The following NCKAP5 variants were observed in gnomAD, a reference collection of about 807,000 sequenced individuals.
NCKAP5 encodes the protein NCK associated protein 5.
NCKAP5 carries 92 observed loss-of-function variants against 167.0 expected under a neutral mutation model. The observed-to-expected ratio is 0.55, with a 90% CI of 0.47 to 0.66. The LOEUF (loss-of-function observed/expected upper bound fraction) is 0.66, where lower values mean the gene tolerates loss of function less well. Ranked by LOEUF, NCKAP5 falls within the 30% of genes least tolerant of loss-of-function variation. NCKAP5 has a pLI of 0.00. For missense variants in NCKAP5, 2,378 were observed against 2,315.0 expected (o/e 1.03, Z -0.56); for synonymous variants, 891 against 877.4 (o/e 1.02, Z -0.27).
At chr2:133,494,043 T>A (rs1213074155) in intron 3 of NCKAP5, among the ~76,000 whole-genome samples, 1 of 152,224 alleles carries the variant, frequency 6.6e-6, no homozygotes, top group Non-Finnish European at 1.5e-5. Flanking sequence ...GGTAGCCCTT[T>A]AACTTGATCT....
At chr2:133,316,325 C>CA (rs1213771270) in intron 3 of NCKAP5, among the ~76,000 whole-genome samples, 1 of 152,128 alleles carries the variant, frequency 6.6e-6, no homozygotes, top group Non-Finnish European at 1.5e-5. Context: ...AACATGAAGA[C>CA]TTTTTAGAAA....
rs117545964 is a variant in NCKAP5 at position 133,022,161 on chromosome 2, A to T, written c.342-27922T>A. Among the ~76,000 whole-genome samples, 89 of 152,294 alleles carry T rather than the reference A, an allele frequency of 5.8e-4. 1 individual carries two copies. In the East Asian group the frequency reaches 0.017, roughly 29 times the overall value. Reference sequence around the variant, plus strand: ...GGCTAAGAACACGTCACCTCAAAATATGACTGTAGGAGACTAGGATATACT... The same window carrying T: ...GGCTAAGAACACGTCACCTCAAAATTTGACTGTAGGAGACTAGGATATACT... On this transcript the variant is annotated intron_variant, in intron 6 of 19. Coordinates refer to ENST00000409261, the MANE Select transcript of NCKAP5 (RefSeq NM_207363.3).
At chr2:132,955,728 G>A (rs71625725) in intron 8 of NCKAP5, among the ~76,000 whole-genome samples, 3,984 of 152,160 alleles carry the variant, frequency 0.026, 129 homozygotes, top group African/African-American at 0.073. Flanking sequence ...TTGAGGAATC[G>A]CCACACTGTC....
At chr2:133,537,755 A>G (rs1685873670) in intron 2 of NCKAP5, among the ~76,000 whole-genome samples, 1 of 152,138 alleles carries the variant, frequency 6.6e-6, no homozygotes, top group African/African-American at 2.4e-5. Context: ...TTAAGTCATG[A>G]AAAGACTCAT....
chr2:133,290,252 A>G (rs1679477670), intron 4 of NCKAP5, among the ~76,000 whole-genome samples: 1 of 152,236 alleles, frequency 6.6e-6, no homozygotes, highest in Admixed American at 6.5e-5. Context: ...CAAATGGAAA[A>G]AAAAACACAC....
At chr2:132,764,907 A>C (rs1331295039) in intron 16 of NCKAP5, among the ~76,000 whole-genome samples, 2 of 152,164 alleles carry the variant, frequency 1.3e-5, no homozygotes, top group Non-Finnish European at 2.9e-5. Flanking sequence ...TAAATTTCTA[A>C]ATTTTCTTCA....
At chr2:132,931,564 A>G (rs1019936828) in intron 8 of NCKAP5, 1 of 152,188 alleles carries the variant, frequency 6.6e-6, no homozygotes, top group Non-Finnish European at 1.5e-5. Flanking sequence ...TACTTGTAAA[A>G]TGATCTCAGT....
chr2:133,137,939 T>C (rs888556497), intron 5 of NCKAP5, among the ~76,000 whole-genome samples: 4 of 152,200 alleles, frequency 2.6e-5, no homozygotes, highest in Non-Finnish European at 5.9e-5. Flanking sequence ...CCTTTCCCCA[T>C]TGGCTGAGGT....
intron 8 of NCKAP5, among the ~76,000 whole-genome samples, chr2:132,891,399 G>A (rs529840304): frequency 1.3e-5 from 2 of 152,226 alleles, no homozygotes; most frequent in East Asian, 3.9e-4. Flanking sequence ...GGTGAAGGTG[G>A]GTGTCACCTC....
chr2:133,298,993 G>A (rs187177417), intron 4 of NCKAP5, among the ~76,000 whole-genome samples: 2 of 151,860 alleles, frequency 1.3e-5, no homozygotes, highest in African/African-American at 2.4e-5. Flanking sequence ...AAACCTGCAC[G>A]TTGTGCACAT....
At chr2:133,089,614 G>A (rs1055156905) in intron 6 of NCKAP5, among the ~76,000 whole-genome samples, 1 of 152,136 alleles carries the variant, frequency 6.6e-6, no homozygotes, top group African/African-American at 2.4e-5. Context: ...TGCATTCTAG[G>A]AAAATTCAAT....
intron 5 of NCKAP5, among the ~76,000 whole-genome samples, chr2:133,179,938 T>TA (rs370070797): frequency 1.3e-3 from 195 of 148,314 alleles, no homozygotes; most frequent in Admixed American, 4.4e-3. Context: ...AAAGAATAGA[T>TA]AAAAAAAAAA....
intron 8 of NCKAP5, among the ~76,000 whole-genome samples, chr2:132,888,670 C>T (rs1008768890): frequency 2.6e-5 from 4 of 152,264 alleles, no homozygotes; most frequent in Non-Finnish European, 5.9e-5. Flanking sequence ...GGATTACAGG[C>T]GTGAGCCACT....
chr2:133,444,353 AAGATAGAT>A (rs3085736), intron 3 of NCKAP5, among the ~76,000 whole-genome samples: 24,188 of 147,684 alleles, frequency 0.16, 2,106 homozygotes, highest in Non-Finnish European at 0.19. Flanking sequence ...GACAAAAACA[AAGATAGAT>A]AGATAGATAG....
At chr2:133,162,206 T>A (rs2083820273) in intron 5 of NCKAP5, among the ~76,000 whole-genome samples, 1 of 149,698 alleles carries the variant, frequency 6.7e-6, no homozygotes, top group Admixed American at 6.6e-5. Context: ...CAAGAACAAA[T>A]ATTTTTTAAG....
At chr2:133,057,695 A>C (rs1357265262) in intron 6 of NCKAP5, among the ~76,000 whole-genome samples, 2 of 152,226 alleles carry the variant, frequency 1.3e-5, no homozygotes, top group African/African-American at 4.8e-5. Context: ...TGCCAATACC[A>C]TAACACGAAA....
intron 16 of NCKAP5, among the ~76,000 whole-genome samples, chr2:132,756,529 T>C (rs1490262818): frequency 1.3e-5 from 2 of 152,124 alleles, no homozygotes; most frequent in Non-Finnish European, 2.9e-5. Flanking sequence ...CATTACCATA[T>C]TACCCTGTCT....
At chr2:132,963,224 T>C (rs1319424733) in intron 8 of NCKAP5, among the ~76,000 whole-genome samples, 1 of 152,236 alleles carries the variant, frequency 6.6e-6, no homozygotes, top group African/African-American at 2.4e-5. Context: ...TCCTTAAGTC[T>C]CCTTAGCCAG....
chr2:133,032,571 G>A lies in NCKAP5; in HGVS notation c.342-38332C>T, dbSNP rs190196960. 2.1e-3 allele frequency among the ~76,000 whole-genome samples: 316 copies of A among 152,274 alleles called. 4 individuals are homozygous for A. The highest frequency in any genetic ancestry group is 7.2e-3 in the African/African-American group (301 of 41,564). ...TGCAGGGAAAAACACAGGCCTGGAT[G>A]GCTTTGCCACCTGCTTATTGTAGAG... On this transcript the variant is annotated intron_variant, in intron 6 of 19. Coordinates refer to ENST00000409261, the MANE Select transcript of NCKAP5 (RefSeq NM_207363.3).
Sources: gnomAD v4.1 joint callset for allele counts (sites outside exome capture counted in the v4.1 genomes callset) on GRCh38, gnomAD v4.1.1 for gene constraint, MANE v1.5 for transcripts, NCBI Gene and HGNC (gene_info 2026-07-23, HGNC 2026-07-21) for gene names.